The following EMB variants were observed in gnomAD, a reference collection of about 807,000 sequenced individuals.
EMB encodes the protein embigin, also known as embigin homolog.
In EMB, 31 loss-of-function variants were observed where a neutral mutation model predicts 41.4. That is an observed-to-expected ratio of 0.75 (90% CI 0.56 to 1.01). The LOEUF is 1.01. Ranked by LOEUF, EMB falls within the 50% of genes least tolerant of loss-of-function variation. The probability of loss-of-function intolerance (pLI) is 0.00; values close to 1 mark genes in which losing one functional copy is unlikely to be tolerated. For missense variants in EMB, 379 were observed against 388.3 expected (o/e 0.98, Z 0.20); for synonymous variants, 137 against 140.4 (o/e 0.98, Z 0.17).
intron 2 of EMB, among the ~76,000 whole-genome samples, chr5:50,427,735 C>G (rs757854139): frequency 6.6e-6 from 1 of 152,116 alleles, no homozygotes; most frequent in Non-Finnish European, 1.5e-5. Flanking sequence ...CTTGCTTCTC[C>G]TTAGCACAGT....
chr5:50,402,876 C>CAAAAAAA (rs564451334), intron 6 of EMB, among the ~76,000 whole-genome samples: 1 of 54,646 alleles, frequency 1.8e-5, no homozygotes, highest in African/African-American at 6.3e-5. Flanking sequence ...CCAGTAGCAC[C>CAAAAAAA]AAAAAAAAAA....
intron 1 of EMB, 28 bp downstream of exon 1, chr5:50,441,012 C>G: frequency 7.5e-7 from 1 of 1,325,046 alleles, no homozygotes; most frequent in Non-Finnish European, 9.7e-7. Context: ...CTCCGCCCTC[C>G]CTACCCTGGA....
chr5:50,441,401 G>T (rs1325031520), upstream of EMB: 2 of 318,628 alleles, frequency 6.3e-6, no homozygotes. Context: ...TCCCGGATGT[G>T]CGGTGGCGGT....
At position 50,403,295 on chromosome 5, in the gene EMB, C is replaced by T; in HGVS notation, c.760G>A (p.Val254Met). Residue 254 changes from valine to methionine, a missense_variant, in exon 6 of 9, where the codon GTG becomes ATG. Transcript: ENST00000303221. ...TTGAGGGGCACCAAATAGCTCAGCA[C>T]CACAAGCTCAATGTGTTCTTCACTC... ...GESEEHIELV[V>M]LSYLVPLKPF... 6.2e-7 allele frequency: 1 copy of T among 1,612,836 alleles called. No homozygotes were observed. The highest frequency in any genetic ancestry group is 8.5e-7 in the Non-Finnish European group (1 of 1,179,258).
chr5:50,439,681 TTCTGTCC>T (rs1458121239), intron 1 of EMB, among the ~76,000 whole-genome samples: 1 of 152,074 alleles, frequency 6.6e-6, no homozygotes, highest in East Asian at 1.9e-4. Context: ...ACCCACGATG[TTCTGTCC>T]AAGTTGTTAA....
rs1473465756 is a variant in EMB at position 50,403,381 on chromosome 5, G to A, written c.674C>T (p.Thr225Ile). The A allele has an allele frequency of 6.2e-7, 1 of 1,612,592 alleles. No homozygotes were observed. The highest frequency in any genetic ancestry group is 1.1e-5 in the South Asian group (1 of 91,048). ...TTCCCCATCTTCCTCCAAAAGTTGT[G>A]TTATCTTCAGCTTTGTTTCGTTAGC... ...TYANETKLKI[T>I]QLLEEDGESY... Residue 225 changes from threonine (T) to isoleucine (I), a missense_variant, in exon 6 of 9, where the codon ACA becomes ATA. Physicochemically the swap from Thr to Ile is moderately conservative, Grantham distance 89. Transcript: ENST00000303221.
At chr5:50,442,044 G>A (rs182169527), upstream of EMB, among the ~76,000 whole-genome samples, 15 of 152,302 alleles carry the variant, frequency 9.8e-5, no homozygotes, top group African/African-American at 3.4e-4. Flanking sequence ...GAGGGGAGGA[G>A]AAATCTATAT....
chr5:50,418,318 G>C (rs1745462627), intron 2 of EMB, among the ~76,000 whole-genome samples: 1 of 152,140 alleles, frequency 6.6e-6, no homozygotes, highest in African/African-American at 2.4e-5. Context: ...TCATATTTTT[G>C]GACAACCAGA....
intron 5 of EMB, 45 bp from the exon 6 acceptor site, chr5:50,403,499 A>G (rs750662242): frequency 5.0e-6 from 8 of 1,585,060 alleles, no homozygotes; most frequent in African/African-American, 1.3e-5. Flanking sequence ...ATAGCACATA[A>G]AAGATACATG....
chr5:50,425,283 T>C (rs1745591184), intron 2 of EMB, among the ~76,000 whole-genome samples: 1 of 152,158 alleles, frequency 6.6e-6, no homozygotes, highest in South Asian at 2.1e-4. Flanking sequence ...CTCTAATGTC[T>C]GCCTATATTA....
rs554609577 is a variant in EMB at position 50,422,019 on chromosome 5, C to T, written c.196+6125G>A. Among the ~76,000 whole-genome samples the T allele has an allele frequency of 3.0e-4, 46 of 152,014 alleles. 2 individuals are homozygous for T. The highest frequency in any genetic ancestry group is 1.1e-3 in the African/African-American group (46 of 41,462). ...ATGTAACAAATCTGCACGTTGTGCACATGTACCCTAAAACTTAAAGTATAA... is the reference window on the plus strand; with the variant it reads ...ATGTAACAAATCTGCACGTTGTGCATATGTACCCTAAAACTTAAAGTATAA... On this transcript the variant is annotated intron_variant, in intron 2 of 8. Coordinates refer to ENST00000303221, the MANE Select transcript of EMB (RefSeq NM_198449.3).
In EMB at chr5:50,411,301, A is replaced by T; in HGVS notation, c.279T>A (p.Ser93=). 2.5e-6 allele frequency: 4 copies of T among 1,613,122 alleles called. No homozygotes were observed. Among genetic ancestry groups the T allele is most frequent in the Non-Finnish European group, 3.4e-6 (4 of 1,179,460 alleles). Residue 93 remains serine, a synonymous_variant, in exon 3 of 9, where the codon TCT becomes TCA. Transcript: ENST00000303221. The part of the protein sequence containing the change: ...NVNLTCQFTT[S]GDLNAVNVTW... ...TCACATTTACTGCATTCAAATCCCCAGATGTTGTGAACTGGCATGTGAGAT... is the reference window on the plus strand; with the variant it reads ...TCACATTTACTGCATTCAAATCCCCTGATGTTGTGAACTGGCATGTGAGAT...
chr5:50,405,676 A>C (rs753987194), intron 5 of EMB, 49 bp downstream of exon 5: 5 of 1,525,056 alleles, frequency 3.3e-6, no homozygotes, highest in Non-Finnish European at 4.4e-6. Flanking sequence ...TTTTTTAAAT[A>C]AATGTTTTCT....
intron 4 of EMB, among the ~76,000 whole-genome samples, chr5:50,409,409 A>C (rs1345390961): frequency 1.3e-5 from 2 of 152,132 alleles, no homozygotes; most frequent in Admixed American, 6.6e-5. Context: ...AAGTGTTTAA[A>C]GTTGAATATC....
At chr5:50,441,359 C>T, upstream of EMB, 1 of 371,452 alleles carries the variant, frequency 2.7e-6, no homozygotes, top group Admixed American at 4.6e-5. Flanking sequence ...GGCCCTCCAT[C>T]AGTTATGCAG....
intron 1 of EMB, among the ~76,000 whole-genome samples, chr5:50,439,582 G>A (rs1479954756): frequency 1.3e-5 from 2 of 150,778 alleles, no homozygotes; most frequent in Admixed American, 6.6e-5. Flanking sequence ...CCACCTCAGC[G>A]CCCAAAAGTG....
chr5:50,399,797 T>C, intron 8 of EMB, 62 bp downstream of exon 8: 1 of 1,318,114 alleles, frequency 7.6e-7, no homozygotes, highest in South Asian at 1.3e-5. Context: ...AACTGATTGA[T>C]AGATAGCCTA....
At chr5:50,407,060 C>T (rs746945473) in intron 4 of EMB, among the ~76,000 whole-genome samples, 1 of 151,928 alleles carries the variant, frequency 6.6e-6, no homozygotes, top group Non-Finnish European at 1.5e-5. Context: ...TTTTGGAGTG[C>T]AGGCTTTGCA....
chr5:50,426,737 G>C (rs541724444), intron 2 of EMB, among the ~76,000 whole-genome samples: 53 of 152,028 alleles, frequency 3.5e-4, no homozygotes, highest in Non-Finnish European at 5.7e-4. Context: ...ACATATCAAT[G>C]TTATGAAAAT....
Sources: allele counts gnomAD v4.1 joint callset (sites outside exome capture counted in the v4.1 genomes callset), GRCh38; gene constraint gnomAD v4.1.1; transcripts MANE v1.5; gene names NCBI Gene and HGNC (gene_info 2026-07-23, HGNC 2026-07-21).